SAXO5: variants seen among roughly 807,000 people sequenced by gnomAD.
The protein encoded by SAXO5 is testis expressed 45.
At chr19:7,508,086 G>A in the SAXO5 span, 2 of 753,280 alleles carry the variant, frequency 2.7e-6, no homozygotes, top group Admixed American at 2.6e-5. Flanking sequence ...GCCCCGACCA[G>A]CTAGCCTGCC....
the SAXO5 span, chr19:7,506,262 C>A: frequency 9.1e-7 from 1 of 1,096,518 alleles, no homozygotes; most frequent in South Asian, 1.5e-5. Flanking sequence ...CCATGGAGCC[C>A]CGCCCCCACG....
the SAXO5 span, among the ~76,000 whole-genome samples, chr19:7,507,422 A>C: frequency 6.6e-6 from 1 of 152,114 alleles, no homozygotes; most frequent in East Asian, 1.9e-4. Context: ...GTCTCTACTA[A>C]AAATACAAAA....
chr19:7,505,466 C>T, the SAXO5 span: 3 of 1,613,672 alleles, frequency 1.9e-6, no homozygotes, highest in Non-Finnish European at 2.5e-6. Context: ...CCCGTCCCGC[C>T]TCCCACCGCA....
chr19:7,504,105 C>T, the SAXO5 span: 9 of 1,293,506 alleles, frequency 7.0e-6, no homozygotes, highest in Non-Finnish European at 8.7e-6. Context: ...CCCCCATCCC[C>T]CTTGCCTATC....
At chr19:7,502,522 C>T in the SAXO5 span, among the ~76,000 whole-genome samples, 1 of 152,156 alleles carries the variant, frequency 6.6e-6, no homozygotes, top group African/African-American at 2.4e-5. Context: ...TCAATTACAC[C>T]AAGCCTCAGA....
At chr19:7,499,967 G>GTGTGT in the SAXO5 span, 1 of 29,496 alleles carries the variant, frequency 3.4e-5, no homozygotes, top group Non-Finnish European at 6.9e-5. Flanking sequence ...TGTGTGTGTG[G>GTGTGT]AGACGGGGTC....
the SAXO5 span, among the ~76,000 whole-genome samples, chr19:7,498,103 A>T: frequency 7.9e-6 from 1 of 127,030 alleles, no homozygotes; most frequent in Non-Finnish European, 1.5e-5. Flanking sequence ...GTGAGCTGAG[A>T]AAAAAAAAAA....
chr19:7,508,394 C>T, the SAXO5 span: 3 of 1,613,246 alleles, frequency 1.9e-6, no homozygotes, highest in East Asian at 2.2e-5. Context: ...CTCTGGTCCC[C>T]CAGCCCCCTA....
the SAXO5 span, chr19:7,505,933 C>G: frequency 1.3e-6 from 2 of 1,539,422 alleles, no homozygotes; most frequent in Non-Finnish European, 1.8e-6. Flanking sequence ...TCTCGGACGC[C>G]GGAGCTTTCA....
chr19:7,506,202 C>A, the SAXO5 span: 1 of 1,484,220 alleles, frequency 6.7e-7, no homozygotes, highest in Non-Finnish European at 9.0e-7. Context: ...CATGGAGCCC[C>A]GCCCCGGGAA....
the SAXO5 span, among the ~76,000 whole-genome samples, chr19:7,503,073 G>C: frequency 3.9e-5 from 6 of 152,294 alleles, no homozygotes; most frequent in Non-Finnish European, 8.8e-5. Context: ...GGTCCAAGAA[G>C]AAGTTGCGGC....
chr19:7,501,968 G>A, the SAXO5 span, among the ~76,000 whole-genome samples: 3 of 152,046 alleles, frequency 2.0e-5, no homozygotes, highest in Non-Finnish European at 2.9e-5. Flanking sequence ...GGCCACCCGC[G>A]GTGGCTCACG....
At chr19:7,506,179 G>C in the SAXO5 span, 1 of 1,557,414 alleles carries the variant, frequency 6.4e-7, no homozygotes, top group South Asian at 1.1e-5. Context: ...AGCGCTCCCG[G>C]GAAGCCCCGC....
the SAXO5 span, chr19:7,501,221 C>T: frequency 6.5e-7 from 1 of 1,547,708 alleles, no homozygotes; most frequent in Non-Finnish European, 8.6e-7. Flanking sequence ...CCGCCTACGG[C>T]TGGCCCGAGC....
At chr19:7,499,370 G>A in the SAXO5 span, among the ~76,000 whole-genome samples, 1 of 132,770 alleles carries the variant, frequency 7.5e-6, no homozygotes, top group Admixed American at 7.8e-5. Flanking sequence ...GAGCGGAGGG[G>A]AGGGGGGAGG....
the SAXO5 span, chr19:7,505,682 TAGC>T: frequency 6.6e-7 from 1 of 1,524,372 alleles, no homozygotes; most frequent in Non-Finnish European, 9.1e-7. Flanking sequence ...ACAGAGCAAA[TAGC>T]AGGTGCAGAA....
At chr19:7,506,069 A>G in the SAXO5 span, 1 of 1,613,834 alleles carries the variant, frequency 6.2e-7, no homozygotes, top group Non-Finnish European at 8.5e-7. Context: ...CTTCAAGACC[A>G]CCATGGGCTC....
chr19:7,501,253 G>C, the SAXO5 span: 5 of 1,565,804 alleles, frequency 3.2e-6, no homozygotes, highest in Non-Finnish European at 4.3e-6. Flanking sequence ...ACCCGAGAGC[G>C]GATCCGCGGC....
At chr19:7,503,666 G>T in the SAXO5 span, among the ~76,000 whole-genome samples, 1 of 152,062 alleles carries the variant, frequency 6.6e-6, no homozygotes, top group Non-Finnish European at 1.5e-5. Context: ...TATATTTTTG[G>T]TAGGGATGGG....
Sources: gnomAD v4.1 joint callset for allele counts (sites outside exome capture counted in the v4.1 genomes callset) on GRCh38, gnomAD v4.1.1 for gene constraint, MANE v1.5 for transcripts, NCBI Gene and HGNC (gene_info 2026-07-23, HGNC 2026-07-21) for gene names.